Variants in RC3H2 observed in about 807,000 individuals in gnomAD.
The protein encoded by RC3H2 is roquin-2.
A neutral mutation model predicts 133.3 loss-of-function variants in RC3H2; 31 were observed. The observed-to-expected ratio is 0.23, with a 90% CI of 0.17 to 0.31. The LOEUF (loss-of-function observed/expected upper bound fraction) is 0.31, where lower values mean the gene tolerates loss of function less well. Ranked by LOEUF, RC3H2 falls within the 10% of genes least tolerant of loss-of-function variation. The pLI is 1.00. For synonymous variants in RC3H2, 517 were observed against 502.2 expected (o/e 1.03, Z -0.40); for missense variants, 1,175 against 1,437.2 (o/e 0.82, Z 2.95).
chr9:122,865,310 A>G, intron 10 of RC3H2, 39 bp downstream of exon 10: 1 of 1,531,156 alleles, frequency 6.5e-7, no homozygotes, highest in Non-Finnish European at 8.9e-7. Context: ...TCTAAAAAGG[A>G]AAAAGAATTT....
intron 1 of RC3H2, 177 bp from the exon 2 acceptor site, chr9:122,897,753 GC>G: frequency 2.0e-6 from 1 of 488,506 alleles, no homozygotes; most frequent in Non-Finnish European, 3.6e-6. Flanking sequence ...CTGAAATTCT[GC>G]CTGGAAACAA....
chr9:122,846,611 T>G lies in RC3H2; in HGVS notation c.*3016A>C, dbSNP rs950008594. 1 of 151,868 alleles carries G rather than the reference T, an allele frequency of 6.6e-6. No individual in the cohort carries two copies. The highest frequency in any genetic ancestry group is 1.5e-5 in the Non-Finnish European group (1 of 67,916). The allele number at this position is 151,868 out of a possible 1,614,324, so 9.4% of individuals were successfully genotyped here. ...CAAAAACACAAAAAATGAAAGAAAA[T>G]AACCACCACTTTCCTGCTTTCCAGA... On this transcript the variant is annotated 3_prime_UTR_variant, in exon 21 of 21. Transcript: ENST00000357244.
chr9:122,855,583 TTA>T, intron 14 of RC3H2, 147 bp downstream of exon 14: 4 of 967,084 alleles, frequency 4.1e-6, no homozygotes, highest in Middle Eastern at 2.2e-4. Context: ...TAAATATAAT[TTA>T]TTTCAGACTT....
chr9:122,879,904 G>A, intron 7 of RC3H2, 31 bp from the exon 8 acceptor site: 2 of 1,606,756 alleles, frequency 1.2e-6, no homozygotes, highest in Middle Eastern at 1.7e-4. Flanking sequence ...CATGGGGGTT[G>A]GGGGGGAAGA....
At chr9:122,856,847 C>A (rs558630292) in intron 13 of RC3H2, among the ~76,000 whole-genome samples, 1 of 152,296 alleles carries the variant, frequency 6.6e-6, no homozygotes, top group South Asian at 2.1e-4. Context: ...GGGAAATACT[C>A]ATTTCCTGAA....
At chr9:122,894,430 A>G (rs1832332008) in intron 2 of RC3H2, among the ~76,000 whole-genome samples, 1 of 152,154 alleles carries the variant, frequency 6.6e-6, no homozygotes, top group African/African-American at 2.4e-5. Flanking sequence ...TAGCCAATCA[A>G]TAAATTAAAA....
intron 2 of RC3H2, 101 bp downstream of exon 2, chr9:122,897,178 C>G: frequency 1.0e-6 from 1 of 966,330 alleles, no homozygotes; most frequent in Non-Finnish European, 1.6e-6. Context: ...TCAAAGATGT[C>G]CTGGGCCACA....
rs1831280433 is a variant in RC3H2, at chr9:122,875,207, A to G, written c.1325+2264T>C. On this transcript the variant is annotated intron_variant, in intron 9 of 20. Coordinates refer to ENST00000357244, the MANE Select transcript of RC3H2 (RefSeq NM_001100588.3). Reference sequence around the variant, plus strand: ...TTCTCTAGGCACTTCAAGTGGGGAAAAAAACTGAGAAGAGAAGCATGTTTC... The same window carrying G: ...TTCTCTAGGCACTTCAAGTGGGGAAGAAAACTGAGAAGAGAAGCATGTTTC... 6 of 1,551,170 alleles carry G rather than the reference A, an allele frequency of 3.9e-6. No homozygotes were observed. The East Asian group carries it at 1.2e-4, about 32-fold the overall frequency.
intron 1 of RC3H2, among the ~76,000 whole-genome samples, chr9:122,898,907 AG>A (rs1173093640): frequency 6.6e-6 from 1 of 152,124 alleles, no homozygotes; most frequent in African/African-American, 2.4e-5. Flanking sequence ...CAAGAAATCT[AG>A]GTATTTAGGG....
chr9:122,852,812 C>T (rs1830100948), intron 18 of RC3H2, among the ~76,000 whole-genome samples: 1 of 150,752 alleles, frequency 6.6e-6, no homozygotes, highest in Non-Finnish European at 1.5e-5. Context: ...TGAGGGGCGC[C>T]TCTGCCCGGC....
At position 122,845,397 on chromosome 9, in the gene RC3H2, T is replaced by G. The variant is rs1341348319; in HGVS notation, c.*4230A>C. On this transcript the variant is annotated 3_prime_UTR_variant, in exon 21 of 21. Coordinates refer to ENST00000357244, the MANE Select transcript of RC3H2 (RefSeq NM_001100588.3). ...TTGTTTGCCCAGCTAAGAGAATGCA[T>G]GCACTTCCATGCCTTGGGTTATAAA... 6.6e-6 allele frequency: 1 copy of G among 152,220 alleles called. No homozygotes were observed. Among genetic ancestry groups the G allele is most frequent in the Non-Finnish European group, 1.5e-5 (1 of 68,042 alleles). 9.4% of individuals were successfully genotyped at this position (152,220 alleles called of 1,614,324 possible).
At chr9:122,851,838 G>A (rs1439020377) in intron 18 of RC3H2, among the ~76,000 whole-genome samples, 3 of 152,330 alleles carry the variant, frequency 2.0e-5, no homozygotes, top group African/African-American at 4.8e-5. Context: ...GCGTGATCTC[G>A]GCTCGCTACA....
chr9:122,900,819 C>T (rs1046989337), intron 1 of RC3H2, among the ~76,000 whole-genome samples: 3 of 152,114 alleles, frequency 2.0e-5, no homozygotes, highest in African/African-American at 7.2e-5. Context: ...TTTGTATTAA[C>T]TAATTTTAGT....
chr9:122,859,898 A>G lies in RC3H2; in HGVS notation c.1849+19T>C. 6.5e-7 allele frequency: 1 copy of G among 1,550,282 alleles called. No homozygotes were observed. The highest frequency in any genetic ancestry group is 1.7e-5 in the Admixed American group (1 of 58,902). ...AAACAATGTTTCTTTTTTTCTTAGA[A>G]TTGTCTAAAATTACTCACCTGTCTG... On this transcript the variant is annotated intron_variant, in intron 11 of 20. Transcript: ENST00000357244.
chr9:122,904,071 C>T (rs1221117914), intron 1 of RC3H2, among the ~76,000 whole-genome samples: 1 of 152,020 alleles, frequency 6.6e-6, no homozygotes, highest in African/African-American at 2.4e-5. Context: ...ACCAAAAGTT[C>T]CTACTGGAAC....
chr9:122,881,911 G>C (rs1831655333), intron 5 of RC3H2, among the ~76,000 whole-genome samples: 1 of 152,212 alleles, frequency 6.6e-6, no homozygotes, highest in Non-Finnish European at 1.5e-5. Context: ...GATAAAGATA[G>C]ACAAGCAAGG....
chr9:122,891,275 G>C (rs1454790381), intron 3 of RC3H2, among the ~76,000 whole-genome samples: 1 of 151,952 alleles, frequency 6.6e-6, no homozygotes, highest in Non-Finnish European at 1.5e-5. Flanking sequence ...TGCCCGCCTC[G>C]GCCTCTCAAA....
At chr9:122,868,868 T>C (rs1830902815) in intron 9 of RC3H2, among the ~76,000 whole-genome samples, 1 of 66,608 alleles carries the variant, frequency 1.5e-5, no homozygotes. Flanking sequence ...TGTGTGTGTG[T>C]GTGTGTGTGT....
intron 18 of RC3H2, among the ~76,000 whole-genome samples, chr9:122,853,244 C>A (rs954418475): frequency 7.9e-5 from 12 of 151,614 alleles, no homozygotes; most frequent in African/African-American, 2.9e-4. Flanking sequence ...ACAAACGCTG[C>A]GGAAGGCCGC....
Sources: gnomAD v4.1 joint callset for allele counts (sites outside exome capture counted in the v4.1 genomes callset) on GRCh38, gnomAD v4.1.1 for gene constraint, MANE v1.5 for transcripts, NCBI Gene and HGNC (gene_info 2026-07-23, HGNC 2026-07-21) for gene names.